CNKSR2: variants seen among roughly 807,000 people sequenced by gnomAD.
CNKSR2 encodes the protein connector enhancer of kinase suppressor of Ras 2, also known as CNK homolog protein 2.
A neutral mutation model predicts 84.4 loss-of-function variants in CNKSR2; 14 were observed. The observed-to-expected ratio is 0.17, with a 90% CI of 0.11 to 0.26. The LOEUF is 0.26. Among genes scored for constraint, CNKSR2 ranks in the 10% least tolerant of loss-of-function variants. The pLI is 1.00. For missense variants in CNKSR2, 485 were observed against 771.2 expected (o/e 0.63, Z 4.40); for synonymous variants, 275 against 277.9 (o/e 0.99, Z 0.10).
Position 21,616,417 on chromosome X carries a change from T to C in CNKSR2, c.2692+6800T>C, listed in dbSNP as rs374607869. Among the ~76,000 whole-genome samples, 10 of 111,787 alleles carry C rather than the reference T, an allele frequency of 8.9e-5. No homozygotes were observed. The East Asian group carries it at 2.2e-3, about 25-fold the overall frequency. On this transcript the variant is annotated intron_variant, in intron 20 of 21. Transcript: ENST00000379510. ...TACTAACTTCCTTTCAATTTTATTA[T>C]TTATAGAGCTAAAGTTATTTTATCC...
At chrX:21,388,631 A>T (rs1366271761) in intron 1 of CNKSR2, among the ~76,000 whole-genome samples, 1 of 112,427 alleles carries the variant, frequency 8.9e-6, no homozygotes, top group African/African-American at 3.2e-5. Context: ...ATAACCCAAC[A>T]TATAAAATAA....
chrX:21,588,752 G>A (rs1741325873), intron 13 of CNKSR2, among the ~76,000 whole-genome samples: 1 of 111,874 alleles, frequency 8.9e-6, no homozygotes, highest in African/African-American at 3.3e-5. Flanking sequence ...AAAAAGCATA[G>A]AAGGTACATT....
chrX:21,571,407 C>T (rs2092282968), intron 13 of CNKSR2, among the ~76,000 whole-genome samples: 3 of 111,964 alleles, frequency 2.7e-5, no homozygotes, highest in Admixed American at 9.5e-5. Context: ...AATTGAAGCA[C>T]AGTAACAGGA....
chrX:21,542,394 A>G (rs912350644), intron 11 of CNKSR2, among the ~76,000 whole-genome samples: 3 of 112,208 alleles, frequency 2.7e-5, no homozygotes, highest in Non-Finnish European at 5.6e-5. Flanking sequence ...GTGAGATTTA[A>G]TGGTAAGACA....
intron 8 of CNKSR2, chrX:21,503,470 A>G (rs2147070176): frequency 3.7e-6 from 1 of 272,998 alleles, no homozygotes; most frequent in Admixed American, 6.4e-5. Flanking sequence ...CCATGCAATA[A>G]TCCTGCAAAT....
chrX:21,647,539 C>T (rs988382845), intron 20 of CNKSR2, among the ~76,000 whole-genome samples: 3 of 111,802 alleles, frequency 2.7e-5, no homozygotes, highest in East Asian at 2.8e-4. Context: ...TTGTTAAAAT[C>T]GTGGATTCTG....
intron 15 of CNKSR2, 98 bp from the exon 16 acceptor site, chrX:21,594,876 C>T (rs959182150): frequency 1.9e-5 from 11 of 572,632 alleles, no homozygotes; most frequent in South Asian, 7.5e-5. Context: ...ATTAAAGGAA[C>T]GGATTTATTA....
At chrX:21,567,795 G>GGGGTGT (rs2092251720) in intron 13 of CNKSR2, among the ~76,000 whole-genome samples, 2 of 90,132 alleles carry the variant, frequency 2.2e-5, no homozygotes, top group African/African-American at 8.1e-5. Context: ...GTTTTTGTGT[G>GGGGTGT]GTGTGTGTGT....
intron 18 of CNKSR2, among the ~76,000 whole-genome samples, chrX:21,604,475 A>G (rs953656377): frequency 1.8e-5 from 2 of 111,605 alleles, no homozygotes; most frequent in African/African-American, 6.5e-5. Context: ...TAAAAAATAT[A>G]TATATAAAAA....
At chrX:21,608,999 A>C in intron 19 of CNKSR2, 72 bp from the exon 20 acceptor site, 1 of 1,135,181 alleles carries the variant, frequency 8.8e-7, no homozygotes, top group Non-Finnish European at 1.2e-6. Flanking sequence ...CCTGGTAGAA[A>C]CCGAATGTGT....
rs140557166 is a variant in CNKSR2, at chrX:21,426,358, C to T, written c.65-139C>T. 4,693 of 503,897 alleles carry T rather than the reference C, an allele frequency of 9.3e-3. 171 individuals carry two copies. The African/African-American group carries it at 0.1, about 11-fold the overall frequency. The allele number at this position is 503,897 out of a possible 1,213,427, so 41.5% of individuals were successfully genotyped here. On this transcript the variant is annotated intron_variant, in intron 1 of 21. Transcript: ENST00000379510. ...AGCCCATATGTAGGTTAAGAAAGGG[C>T]GAAGGATTTGGCTAGTTCAGAGTTA... is the stretch of plus-strand genomic sequence containing the variant.
At chrX:21,484,519 T>C (rs1475676098) in intron 5 of CNKSR2, among the ~76,000 whole-genome samples, 1 of 111,781 alleles carries the variant, frequency 8.9e-6, no homozygotes, top group Non-Finnish European at 1.9e-5. Flanking sequence ...TTAAGATGTA[T>C]ATCTATCTGT....
At chrX:21,556,038 A>G (rs2092137120) in intron 11 of CNKSR2, among the ~76,000 whole-genome samples, 1 of 110,482 alleles carries the variant, frequency 9.1e-6, no homozygotes, top group Non-Finnish European at 1.9e-5. Flanking sequence ...AATGAAGAGT[A>G]TTGGTGAGGG....
chrX:21,383,061 A>G (rs1199092581), intron 1 of CNKSR2, among the ~76,000 whole-genome samples: 1 of 111,967 alleles, frequency 8.9e-6, no homozygotes, highest in Non-Finnish European at 1.9e-5. Context: ...AATCAGAGTA[A>G]GTGAAATTGT....
chrX:21,583,641 A>G (rs1223093842), intron 13 of CNKSR2, among the ~76,000 whole-genome samples: 2 of 112,198 alleles, frequency 1.8e-5, no homozygotes, highest in East Asian at 5.6e-4. Context: ...CTGCAACAAG[A>G]GAGTACTTTG....
intron 1 of CNKSR2, among the ~76,000 whole-genome samples, chrX:21,402,386 CTA>C (rs2146989775): frequency 9.0e-6 from 1 of 111,013 alleles, no homozygotes; most frequent in African/African-American, 3.2e-5. Context: ...ATGCTGAAGA[CTA>C]TATTTGAAGT....
chrX:21,543,179 T>C (rs2091991471), intron 11 of CNKSR2, among the ~76,000 whole-genome samples: 2 of 112,311 alleles, frequency 1.8e-5, no homozygotes, highest in Admixed American at 9.4e-5. Flanking sequence ...AAAATGTAAA[T>C]AATCTTCCTT....
intron 1 of CNKSR2, among the ~76,000 whole-genome samples, chrX:21,395,886 A>G (rs1049404010): frequency 9.0e-6 from 1 of 111,686 alleles, no homozygotes; most frequent in African/African-American, 3.2e-5. Flanking sequence ...AAGATTTGCT[A>G]TGTAACAAAA....
At chrX:21,463,358 G>A (rs1414342832) in intron 4 of CNKSR2, among the ~76,000 whole-genome samples, 3 of 111,024 alleles carry the variant, frequency 2.7e-5, no homozygotes, top group South Asian at 3.9e-4. Flanking sequence ...AAGTTTGAGT[G>A]CTCCCTCCCC....
Sources: gnomAD v4.1 joint callset for allele counts (sites outside exome capture counted in the v4.1 genomes callset) on GRCh38, gnomAD v4.1.1 for gene constraint, MANE v1.5 for transcripts, NCBI Gene and HGNC (gene_info 2026-07-23, HGNC 2026-07-21) for gene names.